MMP26: variants seen among roughly 807,000 people sequenced by gnomAD.
MMP26 encodes the protein matrix metalloproteinase-26.
A neutral mutation model predicts 31.0 loss-of-function variants in MMP26; 33 were observed. The ratio of observed to expected loss-of-function variants is 1.06; its 90% CI spans 0.81 to 1.42. The LOEUF (loss-of-function observed/expected upper bound fraction) is 1.42. Ranked by LOEUF, MMP26 falls within the 40% of genes most tolerant of loss-of-function variation. The pLI, the probability that MMP26 is intolerant of heterozygous loss-of-function variation, is 0.00. For missense variants in MMP26, 347 were observed against 316.1 expected (o/e 1.10, Z -0.74); for synonymous variants, 122 against 114.9 (o/e 1.06, Z -0.40).
intron 2 of MMP26, chr11:4,908,325 G>T (rs769730941): frequency 1.9e-6 from 3 of 1,601,916 alleles, no homozygotes. Context: ...GAACAATTAG[G>T]TAATAAATTA....
At chr11:4,760,072 A>AT (rs1848554201) in intron 1 of MMP26, among the ~76,000 whole-genome samples, 1 of 152,230 alleles carries the variant, frequency 6.6e-6, no homozygotes, top group Non-Finnish European at 1.5e-5. Flanking sequence ...GATAAAGAGT[A>AT]TTTTATTTTA....
chr11:4,869,469 G>A (rs942938741), intron 2 of MMP26, among the ~76,000 whole-genome samples: 8 of 152,306 alleles, frequency 5.3e-5, no homozygotes, highest in African/African-American at 1.7e-4. Context: ...ATGGAAAAAT[G>A]CTCATCATCA....
intron 1 of MMP26, among the ~76,000 whole-genome samples, chr11:4,725,930 A>G (rs917012312): frequency 6.6e-6 from 1 of 152,224 alleles, no homozygotes; most frequent in African/African-American, 2.4e-5. Flanking sequence ...AGAGCCAGTA[A>G]GAAGGTCCTC....
chr11:4,820,348 A>T (rs1211302931), intron 2 of MMP26, among the ~76,000 whole-genome samples: 1 of 152,212 alleles, frequency 6.6e-6, no homozygotes, highest in African/African-American at 2.4e-5. Flanking sequence ...ATATGAAGAT[A>T]ATTGTGTCTG....
At chr11:4,971,322 T>C (rs986609802) in intron 2 of MMP26, among the ~76,000 whole-genome samples, 11 of 152,142 alleles carry the variant, frequency 7.2e-5, no homozygotes, top group African/African-American at 2.4e-4. Flanking sequence ...CTGTCCTTAC[T>C]ATCATTCAAC....
At chr11:4,722,036 G>T (rs188566653) in intron 1 of MMP26, among the ~76,000 whole-genome samples, 92 of 152,322 alleles carry the variant, frequency 6.0e-4, no homozygotes, top group African/African-American at 2.1e-3. Flanking sequence ...ACCGTGTGAA[G>T]TGCATTGTTC....
intron 2 of MMP26, among the ~76,000 whole-genome samples, chr11:4,888,981 T>C (rs1372072028): frequency 6.6e-6 from 1 of 152,184 alleles, no homozygotes; most frequent in Admixed American, 6.6e-5. Context: ...AATCCCTGCT[T>C]TCATATGTAC....
intron 1 of MMP26, chr11:4,710,985 A>G (rs1564892021): frequency 6.5e-6 from 1 of 152,788 alleles, no homozygotes; most frequent in Non-Finnish European, 1.5e-5. Context: ...AGTATTAATA[A>G]AAGGACTACT....
At chr11:4,730,182 A>T (rs1848155027) in intron 1 of MMP26, among the ~76,000 whole-genome samples, 1 of 152,056 alleles carries the variant, frequency 6.6e-6, no homozygotes, top group South Asian at 2.1e-4. Context: ...CTTTGCCTTT[A>T]CTATTAGATA....
intron 1 of MMP26, among the ~76,000 whole-genome samples, chr11:4,755,289 T>C (rs1231563600): frequency 6.6e-6 from 1 of 151,904 alleles, no homozygotes; most frequent in East Asian, 1.9e-4. Flanking sequence ...ATATTCTAAA[T>C]CCAGAAAATT....
chr11:4,898,805 A>T (rs1850750928), intron 2 of MMP26, among the ~76,000 whole-genome samples: 1 of 145,364 alleles, frequency 6.9e-6, no homozygotes, highest in South Asian at 2.2e-4. Flanking sequence ...TAGAAATTTA[A>T]GAAATCTCTC....
chr11:4,977,485 C>A (rs1589823005), intron 2 of MMP26, among the ~76,000 whole-genome samples: 1 of 152,096 alleles, frequency 6.6e-6, no homozygotes, highest in South Asian at 2.1e-4. Flanking sequence ...TGGTTCCATT[C>A]AGAAGAAAGA....
intron 1 of MMP26, among the ~76,000 whole-genome samples, chr11:4,750,450 A>G (rs969844838): frequency 3.3e-5 from 5 of 152,054 alleles, no homozygotes; most frequent in Admixed American, 1.3e-4. Context: ...AAATTATTAT[A>G]TATTTTTAAA....
chr11:4,936,155 C>A (rs1851437838), intron 2 of MMP26, among the ~76,000 whole-genome samples: 1 of 148,084 alleles, frequency 6.8e-6, no homozygotes, highest in Admixed American at 6.8e-5. Context: ...AGGAATGGTA[C>A]CAGTTCCTCC....
At chr11:4,950,171 C>T (rs1846357897) in intron 2 of MMP26, among the ~76,000 whole-genome samples, 1 of 122,952 alleles carries the variant, frequency 8.1e-6, no homozygotes, top group Admixed American at 9.1e-5. Context: ...CCTAAGTATT[C>T]AAGGTAAAAC....
intron 2 of MMP26, among the ~76,000 whole-genome samples, chr11:4,941,397 T>C (rs970795385): frequency 2.0e-5 from 3 of 152,210 alleles, no homozygotes; most frequent in African/African-American, 7.2e-5. Context: ...TTTTCACTTT[T>C]CACCAGAAAT....
At chr11:4,858,361 A>T (rs2133508555) in intron 2 of MMP26, among the ~76,000 whole-genome samples, 1 of 152,332 alleles carries the variant, frequency 6.6e-6, no homozygotes, top group South Asian at 2.1e-4. Context: ...TTAAGCTGAT[A>T]AGCAGCTTCA....
intron 2 of MMP26, among the ~76,000 whole-genome samples, chr11:4,979,921 T>A (rs1589823469): frequency 1.3e-5 from 2 of 152,098 alleles, no homozygotes; most frequent in African/African-American, 4.8e-5. Flanking sequence ...ACATTTACAG[T>A]TTTGCCCCGG....
At chr11:4,902,494 A>C (rs562769867) in intron 2 of MMP26, among the ~76,000 whole-genome samples, 1 of 152,208 alleles carries the variant, frequency 6.6e-6, no homozygotes, top group South Asian at 2.1e-4. Context: ...GTGTACATGT[A>C]TCACATTTTC....
Sources: gnomAD v4.1 joint callset for allele counts (sites outside exome capture counted in the v4.1 genomes callset) on GRCh38, gnomAD v4.1.1 for gene constraint, MANE v1.5 for transcripts, NCBI Gene and HGNC (gene_info 2026-07-23, HGNC 2026-07-21) for gene names.